Variants in STON2 observed in about 807,000 individuals in gnomAD.
The protein encoded by STON2 is stonin-2.
In STON2, 29 loss-of-function variants were observed where a neutral mutation model predicts 65.7. The observed-to-expected ratio is 0.44, with a 90% CI of 0.33 to 0.60. The LOEUF (loss-of-function observed/expected upper bound fraction) is 0.60. Ranked by LOEUF, STON2 falls within the 20% of genes least tolerant of loss-of-function variation. The pLI is 0.03. For synonymous variants in STON2, 404 were observed against 414.2 expected (o/e 0.98, Z 0.30); for missense variants, 1,054 against 1,118.1 (o/e 0.94, Z 0.82).
In STON2 at chr14:81,265,743, T is replaced by TC; in HGVS notation, c.*2670dup. 4 of 968,216 alleles carry TC rather than the reference T, an allele frequency of 4.1e-6. No individual in the cohort carries two copies. The highest frequency in any genetic ancestry group is 4.9e-6 in the Non-Finnish European group (4 of 816,718). 60.0% of individuals were successfully genotyped at this position (968,216 alleles called of 1,614,324 possible). ...ATATAGATAGCATAGAAGGGATTTT[T>TC]CCCAACTCTTGGTAAAAAAAACAAA... On this transcript the variant is annotated 3_prime_UTR_variant, in exon 8 of 8. Coordinates refer to ENST00000614646, the MANE Select transcript of STON2 (RefSeq NM_001394390.1).
intron 4 of STON2, among the ~76,000 whole-genome samples, chr14:81,362,769 TATA>T (rs1267976655): frequency 6.6e-6 from 1 of 152,206 alleles, no homozygotes; most frequent in Non-Finnish European, 1.5e-5. Flanking sequence ...TTTGTCTACT[TATA>T]ATTTAAAAAT....
chr14:81,415,118 C>T (rs1331919328), intron 2 of STON2, among the ~76,000 whole-genome samples: 1 of 152,114 alleles, frequency 6.6e-6, no homozygotes, highest in Non-Finnish European at 1.5e-5. Flanking sequence ...ACTTTGCTGA[C>T]AATGATGCCC....
rs751590641 is a variant in STON2, at chr14:81,278,108, T to A, written c.1374A>T (p.Leu458=). 1.9e-6 allele frequency: 3 copies of A among 1,614,078 alleles called. No individual in the cohort carries two copies. Among genetic ancestry groups the A allele is most frequent in the Non-Finnish European group, 2.5e-6 (3 of 1,180,022 alleles). Residue 458 remains leucine (L), a synonymous_variant, in exon 6 of 8, where the codon CTA becomes CTT. Transcript: ENST00000614646. ...DDPDHFGSAT[L]PDDDPVAWIE... ...TCCAGGCTACTGGGTCATCATCAGG[T>A]AGAGTTGCACTGCCAAAGTGATCAG...
In STON2 at chr14:81,266,617, T is replaced by C; in HGVS notation, c.*1797A>G. The stretch of plus-strand genomic sequence containing the variant: ...ACCCATAATTGAACTCAACCCTCCA[T>C]TTAGATATGGACTAGATGGAGGGTT... On this transcript the variant is annotated 3_prime_UTR_variant, in exon 8 of 8. Transcript: ENST00000614646. The C allele has an allele frequency of 1.1e-6, 1 of 946,590 alleles. No homozygotes were observed. Among genetic ancestry groups the C allele is most frequent in the Non-Finnish European group, 1.3e-6 (1 of 794,522 alleles). The allele number at this position is 946,590 out of a possible 1,614,324, so 58.6% of individuals were successfully genotyped here. A position where few individuals can be genotyped will look rare whatever the true frequency, so the allele number is the denominator to read the frequency against.
intron 2 of STON2, among the ~76,000 whole-genome samples, chr14:81,410,292 A>C (rs1182745921): frequency 2.0e-5 from 3 of 148,956 alleles, no homozygotes; most frequent in East Asian, 1.9e-4. Flanking sequence ...AAAAAAAAAA[A>C]AAAAAAAAAA....
rs1566931809 is a variant in STON2, at chr14:81,371,687, A to AAAAAAAG, written c.374-503_374-502insCTTTTTT. On this transcript the variant is annotated intron_variant, in intron 3 of 7. Transcript: ENST00000614646. ...AATGAGACTGAGTCTAAAAAAAAAA[A>AAAAAAAG]AAAAGAAAAGAAAAGAAAAGTAAGG... Among the ~76,000 whole-genome samples the AAAAAAAG allele has an allele frequency of 1.2e-4, 17 of 146,810 alleles. 1 individual carries two copies. Among genetic ancestry groups the AAAAAAAG allele is most frequent in the African/African-American group, 4.1e-4 (16 of 39,264 alleles).
At chr14:81,345,451 T>C (rs2140302277) in intron 4 of STON2, among the ~76,000 whole-genome samples, 1 of 152,302 alleles carries the variant, frequency 6.6e-6, no homozygotes, top group East Asian at 1.9e-4. Flanking sequence ...CCAACTCTAC[T>C]GACACCTTGG....
Position 81,264,707 on chromosome 14 carries a change from A to G in STON2, c.*3707T>C, listed in dbSNP as rs575921735. The G allele has an allele frequency of 2.0e-6, 2 of 985,416 alleles. No homozygotes were observed. Among genetic ancestry groups the G allele is most frequent in the Non-Finnish European group, 2.4e-6 (2 of 829,890 alleles). The allele number at this position is 985,416 out of a possible 1,614,324, so 61.0% of individuals were successfully genotyped here. A position where few individuals can be genotyped will look rare whatever the true frequency, so the allele number is the denominator to read the frequency against. ...TTCTCAAGGATTATGAACCCTGCCA[A>G]TAATGCAGGAAGGCACAGTAAGGGA... On this transcript the variant is annotated 3_prime_UTR_variant, in exon 8 of 8. Transcript: ENST00000614646.
At position 81,265,799 on chromosome 14, in the gene STON2, G is replaced by A. The variant is rs1157693756; in HGVS notation, c.*2615C>T. ...CCAGGTGCATGTACACAGGAAATGAGAATTTACCATGGGGGGCGGGGAAAT... is the reference window on the plus strand; with the variant it reads ...CCAGGTGCATGTACACAGGAAATGAAAATTTACCATGGGGGGCGGGGAAAT... On this transcript the variant is annotated 3_prime_UTR_variant, in exon 8 of 8. Transcript: ENST00000614646. The A allele has an allele frequency of 1.0e-6, 1 of 985,122 alleles. No homozygotes were observed. Among genetic ancestry groups the A allele is most frequent in the Non-Finnish European group, 1.2e-6 (1 of 829,910 alleles). 61.0% of individuals were successfully genotyped at this position (985,122 alleles called of 1,614,324 possible). A position where few individuals can be genotyped will look rare whatever the true frequency, so the allele number is the denominator to read the frequency against.
In STON2 at chr14:81,278,348, C is replaced by A; in HGVS notation, c.1134G>T (p.Gln378His). The A allele has an allele frequency of 1.2e-6, 2 of 1,614,214 alleles. No individual in the cohort carries two copies. The highest frequency in any genetic ancestry group is 1.7e-6 in the Non-Finnish European group (2 of 1,180,040). ...GGTTGATAGGGGAGGGCTGTACATC[C>A]TGCAGAGTCTCATTCAGGAAAGGGT... Reference protein sequence around the residue: ...ATNPFLNETLQDVQPSPINPF... With the variant: ...ATNPFLNETLHDVQPSPINPF... Residue 378 changes from glutamine to histidine, a missense_variant, in exon 6 of 8, where the codon CAG (glutamine) becomes CAT (histidine). By Grantham distance (24) the Gln-to-His change is conservative. Transcript: ENST00000614646.
intron 1 of STON2, among the ~76,000 whole-genome samples, chr14:81,432,967 G>A (rs2139934881): frequency 6.6e-6 from 1 of 152,282 alleles, no homozygotes; most frequent in East Asian, 1.9e-4. Flanking sequence ...GGGACCAGCG[G>A]CATCAGTATC....
chr14:81,409,472 T>C (rs1901047072), intron 2 of STON2, among the ~76,000 whole-genome samples: 2 of 151,584 alleles, frequency 1.3e-5, no homozygotes, highest in African/African-American at 2.4e-5. Flanking sequence ...CACACACACA[T>C]ATTTCTTAGA....
chr14:81,334,563 C>T (rs894920426), intron 4 of STON2, among the ~76,000 whole-genome samples: 1 of 152,196 alleles, frequency 6.6e-6, no homozygotes. Flanking sequence ...TCTCTTTCTA[C>T]TTCCAGTTCC....
intron 5 of STON2, among the ~76,000 whole-genome samples, chr14:81,315,731 T>TCAA (rs1373931340): frequency 6.6e-6 from 1 of 152,228 alleles, no homozygotes; most frequent in Non-Finnish European, 1.5e-5. Flanking sequence ...ATTCACTCAT[T>TCAA]CAATACCTAC....
upstream of STON2, among the ~76,000 whole-genome samples, chr14:81,404,920 C>T (rs1329183002): frequency 6.6e-6 from 1 of 152,116 alleles, no homozygotes. Flanking sequence ...CAGTATTTTG[C>T]CTTTTGGTCT....
Position 81,351,173 on chromosome 14 carries a change from CTCT to C in STON2, c.571+19812_571+19814del, listed in dbSNP as rs1251378540. 2.3e-4 allele frequency among the ~76,000 whole-genome samples: 29 copies of C among 127,454 alleles called. No homozygotes were observed. In the South Asian group the frequency reaches 7.4e-3, roughly 32 times the overall value. The allele number at this position is 127,454 out of a possible 152,430, so 83.6% of individuals were successfully genotyped here. A position where few individuals can be genotyped will look rare whatever the true frequency, so the allele number is the denominator to read the frequency against. On this transcript the variant is annotated intron_variant, in intron 4 of 7. Coordinates refer to ENST00000614646, the MANE Select transcript of STON2 (RefSeq NM_001394390.1). ...TGAGACTAAGGTATTTTGAGGTAAGCTCTTCTTTTTTTTTTTTTTTTTCTGGTG... is the reference window on the plus strand; with the variant it reads ...TGAGACTAAGGTATTTTGAGGTAAGCTCTTTTTTTTTTTTTTTTTCTGGTG...
intron 1 of STON2, among the ~76,000 whole-genome samples, chr14:81,429,945 A>AG (rs1902160085): frequency 6.6e-6 from 1 of 152,074 alleles, no homozygotes; most frequent in African/African-American, 2.4e-5. Context: ...AAAAAAAAAA[A>AG]AAAGAAAAAA....
intron 4 of STON2, among the ~76,000 whole-genome samples, chr14:81,335,640 A>C (rs1897344171): frequency 6.6e-6 from 1 of 152,198 alleles, no homozygotes; most frequent in South Asian, 2.1e-4. Context: ...GTAAGTTGGA[A>C]GAAGACCTAG....
intron 7 of STON2, chr14:81,270,388 A>G: frequency 1.4e-6 from 2 of 1,386,854 alleles, no homozygotes; most frequent in Admixed American, 6.4e-5. Flanking sequence ...CCTGGCCCCC[A>G]TTATTCTTTT....
Sources: allele counts gnomAD v4.1 joint callset (sites outside exome capture counted in the v4.1 genomes callset), GRCh38; gene constraint gnomAD v4.1.1; transcripts MANE v1.5; gene names NCBI Gene and HGNC (gene_info 2026-07-23, HGNC 2026-07-21).